RGS17: variants seen among roughly 807,000 people sequenced by gnomAD.
The protein encoded by RGS17 is regulator of G protein signaling 17.
RGS17 carries 12 observed loss-of-function variants against 25.5 expected under a neutral mutation model. That is an observed-to-expected ratio of 0.47 (90% CI 0.30 to 0.76). RGS17 has a LOEUF of 0.76. Ranked by LOEUF, RGS17 falls within the 30% of genes least tolerant of loss-of-function variation. RGS17 has a pLI of 0.07. For missense variants in RGS17, 196 were observed against 242.2 expected, an observed-to-expected ratio of 0.81 and a Z score of 1.27; for synonymous variants, 71 against 76.9, an observed-to-expected ratio of 0.92 and a Z score of 0.40.
intron 1 of RGS17, among the ~76,000 whole-genome samples, chr6:153,097,008 G>A (rs1360000787): frequency 1.3e-5 from 2 of 152,118 alleles, no homozygotes; most frequent in Non-Finnish European, 2.9e-5. Flanking sequence ...GTTGCAACTT[G>A]TTGGCTTGCA....
chr6:153,094,245 T>C (rs1329488463), intron 1 of RGS17, among the ~76,000 whole-genome samples: 3 of 151,858 alleles, frequency 2.0e-5, no homozygotes, highest in Non-Finnish European at 4.4e-5. Context: ...CCGGCTAATT[T>C]TTGTATTTTT....
rs376530758 is a variant in RGS17 at position 153,117,787 on chromosome 6, T to A, written c.-26+13337A>T. 4.6e-5 allele frequency among the ~76,000 whole-genome samples: 7 copies of A among 152,338 alleles called. No individual in the cohort carries two copies. The East Asian group carries it at 7.7e-4, about 17-fold the overall frequency. Reference sequence around the variant, plus strand: ...TCACATCAGTACTGAGCTGAGTTCTTTCCCATTCATAAAACATTCATTCCT... The same window carrying A: ...TCACATCAGTACTGAGCTGAGTTCTATCCCATTCATAAAACATTCATTCCT... On this transcript the variant is annotated intron_variant, in intron 1 of 4. Transcript: ENST00000206262.
intron 2 of RGS17, 116 bp from the exon 3 acceptor site, chr6:153,026,659 T>C (rs1779306012): frequency 2.9e-6 from 2 of 688,484 alleles, no homozygotes; most frequent in Non-Finnish European, 2.5e-6. Flanking sequence ...TATGTGAGAA[T>C]ATTTAAAGTA....
At chr6:153,088,265 T>A (rs1483080232) in intron 1 of RGS17, among the ~76,000 whole-genome samples, 1 of 152,222 alleles carries the variant, frequency 6.6e-6, no homozygotes, top group East Asian at 1.9e-4. Context: ...AGGTAAACTG[T>A]GCCTCAATTC....
chr6:153,022,082 C>T (rs1025224224), intron 4 of RGS17, among the ~76,000 whole-genome samples: 6 of 152,196 alleles, frequency 3.9e-5, no homozygotes, highest in African/African-American at 1.2e-4. Context: ...TTGGCGGGTG[C>T]CTGTAATCCC....
intron 1 of RGS17, among the ~76,000 whole-genome samples, chr6:153,113,510 AG>A (rs1229655269): frequency 1.3e-5 from 2 of 152,212 alleles, no homozygotes; most frequent in African/African-American, 4.8e-5. Flanking sequence ...TGTCAATATT[AG>A]ACAGATCAAC....
intron 1 of RGS17, among the ~76,000 whole-genome samples, chr6:153,094,402 T>C (rs960922819): frequency 5.3e-5 from 8 of 152,164 alleles, no homozygotes; most frequent in African/African-American, 1.9e-4. Flanking sequence ...TTAAATGATA[T>C]GCATTTAAAG....
At chr6:153,074,053 T>C (rs1776843638) in intron 1 of RGS17, among the ~76,000 whole-genome samples, 1 of 152,186 alleles carries the variant, frequency 6.6e-6, no homozygotes, top group Non-Finnish European at 1.5e-5. Context: ...GTGTAACAAT[T>C]CCGTTGCATT....
chr6:153,054,092 T>TATATA lies in RGS17; in HGVS notation c.-25-10050_-25-10049insTATAT, dbSNP rs1393844507. 1.0e-3 allele frequency among the ~76,000 whole-genome samples: 44 copies of TATATA among 42,090 alleles called. 7 individuals are homozygous for TATATA. The highest frequency in any genetic ancestry group is 3.9e-3 in the African/African-American group (34 of 8,644). The allele number at this position is 42,090 out of a possible 152,430, so 27.6% of individuals were successfully genotyped here. On this transcript the variant is annotated intron_variant, in intron 1 of 4. Transcript: ENST00000206262. ...CATATATATATACACACAATATTTT[T>TATATA]TATATATATATATATATATATGTGT...
chr6:153,129,361 A>C (rs934173038), intron 1 of RGS17, among the ~76,000 whole-genome samples: 4 of 152,184 alleles, frequency 2.6e-5, no homozygotes, highest in Admixed American at 2.0e-4. Context: ...CTTCCATTAG[A>C]TAGGAGTGCT....
Position 153,119,235 on chromosome 6 carries a change from C to G in RGS17, c.-26+11889G>C, listed in dbSNP as rs1369869049. On this transcript the variant is annotated intron_variant, in intron 1 of 4. Transcript: ENST00000206262. ...TCCAAATTCTCTGGTACCATCTGGA[C>G]CTCAGAGTTAGAATGAGGCCTTGTA... Among the ~76,000 whole-genome samples, 4 of 152,152 alleles carry G rather than the reference C, an allele frequency of 2.6e-5. 1 individual carries two copies. The highest frequency in any genetic ancestry group is 5.9e-5 in the Non-Finnish European group (4 of 68,036).
intron 1 of RGS17, among the ~76,000 whole-genome samples, chr6:153,109,544 C>CAAACA (rs1777437294): frequency 6.6e-6 from 1 of 152,200 alleles, no homozygotes; most frequent in African/African-American, 2.4e-5. Context: ...ATATCACGAT[C>CAAACA]AAACCTCCTC....
At position 153,009,328 on chromosome 6, in the gene RGS17, T is replaced by G. The variant is rs891626794; in HGVS notation, c.*2246A>C. ...TATTTTCTAGTCATGTGCACCAATT[T>G]GTTGAGCCTCACACACAGAAACAAA... On this transcript the variant is annotated 3_prime_UTR_variant, in exon 5 of 5. Coordinates refer to ENST00000206262, the MANE Select transcript of RGS17 (RefSeq NM_012419.5). 2.0e-5 allele frequency: 3 copies of G among 152,068 alleles called. No homozygotes were observed. The highest frequency in any genetic ancestry group is 4.1e-4 in the South Asian group (2 of 4,834). The allele number at this position is 152,068 out of a possible 1,614,324, so 9.4% of individuals were successfully genotyped here.
chr6:153,102,759 A>C (rs1473935525), intron 1 of RGS17, among the ~76,000 whole-genome samples: 1 of 152,230 alleles, frequency 6.6e-6, no homozygotes, highest in East Asian at 1.9e-4. Context: ...AATGCTAATA[A>C]GGGTTAGGCC....
At chr6:153,072,506 C>T (rs1776819256) in intron 1 of RGS17, among the ~76,000 whole-genome samples, 1 of 152,182 alleles carries the variant, frequency 6.6e-6, no homozygotes, top group African/African-American at 2.4e-5. Context: ...AAACTGAAAT[C>T]AGAGAGATCA....
At chr6:153,044,072 A>T in intron 1 of RGS17, 29 bp from the exon 2 acceptor site, 2 of 1,104,242 alleles carry the variant, frequency 1.8e-6, no homozygotes, top group Non-Finnish European at 2.8e-6. Flanking sequence ...AAAATTGGGT[A>T]TGAAAAAAGC....
intron 1 of RGS17, among the ~76,000 whole-genome samples, chr6:153,070,019 G>T (rs549169539): frequency 1.3e-5 from 2 of 151,970 alleles, no homozygotes; most frequent in Non-Finnish European, 2.9e-5. Flanking sequence ...ACAAGTGATA[G>T]AATCAATTCA....
rs181440225 is a variant in RGS17, at chr6:153,010,475, G to T, written c.*1099C>A. On this transcript the variant is annotated 3_prime_UTR_variant, in exon 5 of 5. Transcript: ENST00000206262. The stretch of plus-strand genomic sequence containing the variant: ...AAGATATTATGTGAAAACAGTTAAG[G>T]TCTGAAGTAGAGGATTATTTTCTTC... 1 of 151,960 alleles carries T rather than the reference G, an allele frequency of 6.6e-6. No individual in the cohort carries two copies. The highest frequency in any genetic ancestry group is 2.1e-4 in the South Asian group (1 of 4,830). The allele number at this position is 151,960 out of a possible 1,614,324, so 9.4% of individuals were successfully genotyped here. A position where few individuals can be genotyped will look rare whatever the true frequency, so the allele number is the denominator to read the frequency against.
rs114685259 is a variant in RGS17, at chr6:153,094,359, G to A, written c.-26+36765C>T. Among the ~76,000 whole-genome samples, 1,507 of 152,212 alleles carry A rather than the reference G, an allele frequency of 9.9e-3. 36 individuals are homozygous for A. The highest frequency in any genetic ancestry group is 0.034 in the African/African-American group (1,417 of 41,528). ...CTCCCGAAGTGCAAGGATTACAGGC[G>A]TGAGCATTGTGCTCAGTGGCCTACT... On this transcript the variant is annotated intron_variant, in intron 1 of 4. Coordinates refer to ENST00000206262, the MANE Select transcript of RGS17 (RefSeq NM_012419.5).
Sources: gnomAD v4.1 joint callset for allele counts (sites outside exome capture counted in the v4.1 genomes callset) on GRCh38, gnomAD v4.1.1 for gene constraint, MANE v1.5 for transcripts, NCBI Gene and HGNC (gene_info 2026-07-23, HGNC 2026-07-21) for gene names.